TTC7A: variants seen among roughly 807,000 people sequenced by gnomAD.
The protein encoded by TTC7A is tetratricopeptide repeat domain 7A, also known as tetratricopeptide repeat protein 7A.
In TTC7A, 110 loss-of-function variants were observed where a neutral mutation model predicts 103.7. The observed-to-expected ratio is 1.06, with a 90% CI of 0.91 to 1.24. The LOEUF is 1.24. Among genes scored for constraint, TTC7A ranks in the 50% most tolerant of loss-of-function variants. The pLI, the probability that TTC7A is intolerant of heterozygous loss-of-function variation, is 0.00. For synonymous variants in TTC7A, 521 were observed against 467.9 expected (o/e 1.11, Z -1.47); for missense variants, 1,340 against 1,116.3 (o/e 1.20, Z -2.86).
intron 1 of TTC7A, among the ~76,000 whole-genome samples, chr2:46,949,696 A>G (rs1671238303): frequency 6.6e-6 from 1 of 152,110 alleles, no homozygotes; most frequent in South Asian, 2.1e-4. Flanking sequence ...ACCTAACTCT[A>G]CTGTGGCTGC....
rs1468848996 is a variant in TTC7A, at chr2:47,073,876, G to T, written c.2530G>T (p.Ala844Ser). Residue 844 changes from alanine to serine, a missense_variant, in exon 20 of 20, where the codon GCC becomes TCC. Ala to Ser is a moderately conservative substitution (Grantham distance 99). Transcript: ENST00000319190. ...DCFLTALELE[A>S]SSPVLPFSII... ...CTTCCTCACCGCCCTTGAGCTGGAG[G>T]CCAGCAGCCCTGTACTGCCCTTCTC... 2 of 1,613,490 alleles carry T rather than the reference G, an allele frequency of 1.2e-6. No individual in the cohort carries two copies. Among genetic ancestry groups the T allele is most frequent in the Non-Finnish European group, 1.7e-6 (2 of 1,180,014 alleles).
intron 15 of TTC7A, among the ~76,000 whole-genome samples, chr2:47,032,274 T>C (rs756616009): frequency 6.6e-6 from 1 of 152,158 alleles, no homozygotes; most frequent in Non-Finnish European, 1.5e-5. Flanking sequence ...CAGCAGATTC[T>C]CAAAGGGAGC....
intron 8 of TTC7A, chr2:46,999,923 A>G: frequency 2.0e-6 from 2 of 984,662 alleles, no homozygotes; most frequent in Non-Finnish European, 2.4e-6. Flanking sequence ...GACTCTGCAG[A>G]TTAACAGACT....
At chr2:46,962,521 G>A (rs960907688) in intron 3 of TTC7A, among the ~76,000 whole-genome samples, 3 of 152,216 alleles carry the variant, frequency 2.0e-5, no homozygotes, top group Admixed American at 2.0e-4. Flanking sequence ...CCAAGTTAGG[G>A]TCACTTCCTT....
At chr2:46,984,757 T>G (rs1362217628) in intron 5 of TTC7A, among the ~76,000 whole-genome samples, 4 of 152,106 alleles carry the variant, frequency 2.6e-5, no homozygotes, top group African/African-American at 7.2e-5. Flanking sequence ...CATTCACTAG[T>G]GAGGGAGGCT....
At chr2:47,052,287 A>G (rs1306526798) in intron 18 of TTC7A, among the ~76,000 whole-genome samples, 1 of 152,226 alleles carries the variant, frequency 6.6e-6, no homozygotes, top group Non-Finnish European at 1.5e-5. Flanking sequence ...TTCAGGTGAC[A>G]GTCCCTCTTG....
intron 8 of TTC7A, among the ~76,000 whole-genome samples, chr2:47,001,170 A>G (rs1676764244): frequency 6.6e-6 from 1 of 152,216 alleles, no homozygotes; most frequent in Non-Finnish European, 1.5e-5. Context: ...TCCACATGGT[A>G]GTTTCCTTTC....
intron 18 of TTC7A, among the ~76,000 whole-genome samples, chr2:47,057,424 G>T (rs929777174): frequency 6.6e-6 from 1 of 152,196 alleles, no homozygotes; most frequent in Non-Finnish European, 1.5e-5. Flanking sequence ...AAGAACCAGG[G>T]CCCCGAGGCA....
chr2:46,975,195 A>C (rs1024193726), intron 4 of TTC7A, 92 bp downstream of exon 4: 3 of 1,528,730 alleles, frequency 2.0e-6, no homozygotes, highest in Non-Finnish European at 2.7e-6. Flanking sequence ...CCTGTGTGCT[A>C]ATTAGAAGAA....
intron 19 of TTC7A, among the ~76,000 whole-genome samples, chr2:47,067,024 G>T (rs1020838344): frequency 6.6e-6 from 1 of 152,170 alleles, no homozygotes; most frequent in Non-Finnish European, 1.5e-5. Flanking sequence ...TGTGAGAGAA[G>T]GGGAAGCCGA....
At chr2:47,024,998 G>A (rs1162842985) in intron 14 of TTC7A, among the ~76,000 whole-genome samples, 1 of 152,172 alleles carries the variant, frequency 6.6e-6, no homozygotes, top group Non-Finnish European at 1.5e-5. Flanking sequence ...GGCGCTCTGG[G>A]CATGCACACA....
At chr2:47,056,910 TC>T (rs10712991) in intron 18 of TTC7A, among the ~76,000 whole-genome samples, 61,406 of 151,664 alleles carry the variant, frequency 0.4, 14,488 homozygotes, top group East Asian at 0.7. Context: ...CTCTGACCCC[TC>T]CCCCCCATCC....
intron 8 of TTC7A, among the ~76,000 whole-genome samples, chr2:46,997,213 A>G (rs942000218): frequency 6.6e-5 from 10 of 152,162 alleles, no homozygotes; most frequent in African/African-American, 2.2e-4. Context: ...TCTTGACCTC[A>G]GGTGATCCAC....
chr2:47,031,650 G>A lies in TTC7A; in HGVS notation c.1802+2266G>A, dbSNP rs577454358. Among the ~76,000 whole-genome samples, 13 of 152,322 alleles carry A rather than the reference G, an allele frequency of 8.5e-5. No homozygotes were observed. The South Asian group carries it at 1.4e-3, about 17-fold the overall frequency. ...AGACTGTGATGCAGGCGGGAGCACC[G>A]CTGCTCTGATGGAGCCAAGGAAGGT... On this transcript the variant is annotated intron_variant, in intron 15 of 19. Coordinates refer to ENST00000319190, the MANE Select transcript of TTC7A (RefSeq NM_020458.4).
At chr2:47,009,440 G>A (rs536183966) in intron 10 of TTC7A, among the ~76,000 whole-genome samples, 1 of 152,232 alleles carries the variant, frequency 6.6e-6, no homozygotes, top group South Asian at 2.1e-4. Flanking sequence ...CTGGGTGAGA[G>A]CACACCCTCG....
intron 8 of TTC7A, 99 bp downstream of exon 8, chr2:46,995,298 C>A: frequency 8.4e-7 from 1 of 1,195,238 alleles, no homozygotes; most frequent in Non-Finnish European, 1.2e-6. Flanking sequence ...TAGCCAAACT[C>A]TGTCTCCCAG....
At chr2:46,971,985 A>AG (rs1673403625) in intron 3 of TTC7A, among the ~76,000 whole-genome samples, 1 of 145,652 alleles carries the variant, frequency 6.9e-6, no homozygotes, top group South Asian at 2.4e-4. Flanking sequence ...GCAGGGAGGG[A>AG]GGGAGGAAGG....
chr2:46,983,264 G>A (rs559692859), intron 5 of TTC7A, among the ~76,000 whole-genome samples: 1 of 152,238 alleles, frequency 6.6e-6, no homozygotes, highest in Non-Finnish European at 1.5e-5. Flanking sequence ...ACTTGTGCCA[G>A]AGATGGGGCT....
At chr2:46,999,345 C>T (rs367750577) in intron 8 of TTC7A, 3 of 216,296 alleles carry the variant, frequency 1.4e-5, no homozygotes, top group African/African-American at 4.7e-5. Flanking sequence ...CCTATTCATC[C>T]ACCTATCATT....
Sources: allele counts gnomAD v4.1 joint callset (sites outside exome capture counted in the v4.1 genomes callset), GRCh38; gene constraint gnomAD v4.1.1; transcripts MANE v1.5; gene names NCBI Gene and HGNC (gene_info 2026-07-23, HGNC 2026-07-21).